Variants in PYGM observed in about 807,000 individuals in gnomAD.
The protein encoded by PYGM is glycogen phosphorylase, muscle form.
A neutral mutation model predicts 99.3 loss-of-function variants in PYGM; 81 were observed. That is an observed-to-expected ratio of 0.82 (90% CI 0.68 to 0.98). The LOEUF is 0.98. Ranked by LOEUF, PYGM falls within the 50% of genes least tolerant of loss-of-function variation. The pLI is 0.00. For synonymous variants in PYGM, 436 were observed against 451.5 expected, an observed-to-expected ratio of 0.97 and a Z score of 0.44; for missense variants, 1,030 against 1,158.1, an observed-to-expected ratio of 0.89 and a Z score of 1.61.
chr11:64,755,223 C>T lies in PYGM; in HGVS notation c.855+50G>A. The T allele has an allele frequency of 2.5e-6, 4 of 1,577,886 alleles. No homozygotes were observed. The highest frequency in any genetic ancestry group is 3.5e-6 in the Non-Finnish European group (4 of 1,147,646). ...GTCCTTCCCCAGCTCTCCCTGACCCCTGCTGCCAAGGACTCAGGCTTCCAG... is the reference window on the plus strand; with the variant it reads ...GTCCTTCCCCAGCTCTCCCTGACCCTTGCTGCCAAGGACTCAGGCTTCCAG... On this transcript the variant is annotated intron_variant, in intron 7 of 19. Coordinates refer to ENST00000164139, the MANE Select transcript of PYGM (RefSeq NM_005609.4). The surrounding 1 kb of genome is among the most constrained non-coding windows in gnomAD (Gnocchi z 4.1).
In PYGM at chr11:64,758,955, A is replaced by G. The variant is rs1049448376; in HGVS notation, c.244-251T>C. ...TCATCTGGGAAATAGCGCTGGCCAT[A>G]CCCACTTCAGGGACTGAGGTACTCG... On this transcript the variant is annotated intron_variant, in intron 1 of 19. Coordinates refer to ENST00000164139, the MANE Select transcript of PYGM (RefSeq NM_005609.4). Among the ~76,000 whole-genome samples, 16 of 2,180 alleles carry G rather than the reference A, an allele frequency of 7.3e-3. No individual in the cohort carries two copies. In the Admixed American group the frequency reaches 0.1, roughly 14 times the overall value. The allele number at this position is 2,180 out of a possible 152,430, so 1.4% of individuals were successfully genotyped here.
intron 5 of PYGM, among the ~76,000 whole-genome samples, chr11:64,757,509 CATG>C (rs1162834686): frequency 2.0e-5 from 3 of 152,182 alleles, no homozygotes. Flanking sequence ...TGATAAATCT[CATG>C]GTGTGGAGTG....
intron 12 of PYGM, 69 bp downstream of exon 12, chr11:64,753,004 C>A: frequency 7.1e-7 from 1 of 1,402,360 alleles, no homozygotes; most frequent in Admixed American, 1.7e-5. Context: ...GAACCACCTA[C>A]ACGACCATAC....
At chr11:64,747,435 C>A in intron 17 of PYGM, 77 bp from the exon 18 acceptor site, 2 of 1,602,968 alleles carry the variant, frequency 1.2e-6, no homozygotes, top group Admixed American at 1.7e-5. Context: ...TGAGAAGTCC[C>A]ATGCCCCAGG....
chr11:64,753,003 A>T, intron 12 of PYGM, 70 bp downstream of exon 12: 15 of 1,388,730 alleles, frequency 1.1e-5, no homozygotes, highest in Non-Finnish European at 1.5e-5. Context: ...TGAACCACCT[A>T]CACGACCATA....
chr11:64,759,227 T>C, intron 1 of PYGM, among the ~76,000 whole-genome samples: 1 of 141,432 alleles, frequency 7.1e-6, no homozygotes. Flanking sequence ...CCTCCCCCAC[T>C]CCCCACCGAG....
Position 64,755,510 on chromosome 11 carries a change from T to C in PYGM, c.709A>G (p.Asn237Asp), listed in dbSNP as rs776850635. 3.7e-6 allele frequency: 6 copies of C among 1,614,060 alleles called. No homozygotes were observed. The Admixed American group carries it at 8.3e-5, about 22-fold the overall frequency. ...YDTPVPGYRN[N>D]VVNTMRLWSA... is the part of the protein sequence containing the mutation. ...CAGAGGCGCATGGTGTTGACAACAT[T>C]GTTGCGATAGCCAGGCACGGGCGTA... Residue 237 changes from asparagine to aspartate, a missense_variant, in exon 6 of 20, where the codon AAT becomes GAT. Physicochemically the swap from Asn to Asp is conservative, Grantham distance 23. Transcript: ENST00000164139. The surrounding 1 kb of genome is among the most constrained non-coding windows in gnomAD (Gnocchi z 4.1).
Position 64,746,645 on chromosome 11 carries a change from T to G in PYGM, c.*14A>C. ...GACAGACTCAAGGGCTGGTTTGGGGTCTGGTCTGGAGGCTCAGATGGCCTC... is the reference window on the plus strand; with the variant it reads ...GACAGACTCAAGGGCTGGTTTGGGGGCTGGTCTGGAGGCTCAGATGGCCTC... On this transcript the variant is annotated 3_prime_UTR_variant, in exon 20 of 20. Transcript: ENST00000164139. 10 of 1,613,976 alleles carry G rather than the reference T, an allele frequency of 6.2e-6. No homozygotes were observed. Among genetic ancestry groups the G allele is most frequent in the Non-Finnish European group, 8.5e-6 (10 of 1,179,984 alleles).
intron 13 of PYGM, 39 bp downstream of exon 13, chr11:64,752,364 C>G: frequency 6.3e-7 from 1 of 1,599,260 alleles, no homozygotes; most frequent in Non-Finnish European, 8.6e-7. Context: ...CCAGCGCTCT[C>G]CACACAGCAC....
chr11:64,753,210 G>T, intron 11 of PYGM, 23 bp from the exon 12 acceptor site: 1 of 1,570,648 alleles, frequency 6.4e-7, no homozygotes, highest in Non-Finnish European at 8.8e-7. Context: ...GTTGGACGAG[G>T]GTCACCACTC....
In PYGM at chr11:64,759,787, A is replaced by G. The variant is rs1478945166; in HGVS notation, c.112T>C (p.Phe38Leu). 14 of 1,614,046 alleles carry G rather than the reference A, an allele frequency of 8.7e-6. No individual in the cohort carries two copies. The highest frequency in any genetic ancestry group is 9.3e-6 in the Non-Finnish European group (11 of 1,180,038). ...LKKNFNRHLH[F>L]TLVKDRNVAT... ...ACATTGCGGTCCTTTACGAGTGTGA[A>G]ATGCAGGTGCCGGTTGAAGTTCTTT... The change falls in exon 1 of 20, where the codon TTC becomes CTC. Residue 38 changes from phenylalanine (F) to leucine (L), a missense_variant. Transcript: ENST00000164139.
At position 64,758,002 on chromosome 11, in the gene PYGM, T is replaced by C; in HGVS notation, c.529-92A>G. 1.9e-6 allele frequency: 3 copies of C among 1,561,266 alleles called. No individual in the cohort carries two copies. The South Asian group carries it at 3.4e-5, about 18-fold the overall frequency. On this transcript the variant is annotated intron_variant, in intron 4 of 19. Coordinates refer to ENST00000164139, the MANE Select transcript of PYGM (RefSeq NM_005609.4). ...GGGCAGGGTGGGGGCCGTGGGCCGG[T>C]GTACCCTACACCAAGTATAAGTCAG...
chr11:64,758,433 T>C lies in PYGM; in HGVS notation c.424+4A>G. 1 of 1,613,782 alleles carries C rather than the reference T, an allele frequency of 6.2e-7. No homozygotes were observed. The highest frequency in any genetic ancestry group is 8.5e-7 in the Non-Finnish European group (1 of 1,180,000). On this transcript the variant is annotated splice_donor_region_variant and intron_variant, in intron 3 of 19. Transcript: ENST00000164139. ...ACTCCACCCTCACGGCCCTGTCTTCTTACCTGCCAGCCGGCCCAGGCCCCC... is the reference window on the plus strand; with the variant it reads ...ACTCCACCCTCACGGCCCTGTCTTCCTACCTGCCAGCCGGCCCAGGCCCCC...
chr11:64,747,188 G>A (rs369098997), intron 18 of PYGM, 36 bp downstream of exon 18: 2 of 1,611,762 alleles, frequency 1.2e-6, no homozygotes, highest in African/African-American at 1.3e-5. Flanking sequence ...CTGCCCTGCG[G>A]CCCCACCTGA....
rs1465788031 is a variant in PYGM at position 64,753,168 on chromosome 11, G to A, written c.1423C>T (p.Leu475=). 1.2e-6 allele frequency: 2 copies of A among 1,612,436 alleles called. No homozygotes were observed. Among genetic ancestry groups the A allele is most frequent in the Non-Finnish European group, 1.7e-6 (2 of 1,178,510 alleles). ...KKTIFKDFYE[L]EPHKFQNKTN... is the part of the protein sequence containing the mutation. ...TTATTCTGGAACTTATGAGGCTCCA[G>A]CTCATAGAAGTCTTTGAAGCTGCAG... The change falls in exon 12 of 20, where the codon CTG becomes TTG. Residue 475 remains leucine (L), a synonymous_variant. Coordinates refer to ENST00000164139, the MANE Select transcript of PYGM (RefSeq NM_005609.4).
intron 4 of PYGM, 24 bp downstream of exon 4, chr11:64,758,222 C>G (rs376766946): frequency 1.1e-5 from 18 of 1,588,094 alleles, no homozygotes; most frequent in Non-Finnish European, 1.5e-5. Context: ...CTAGACCCCA[C>G]AAGTTAGAGC....
At position 64,752,009 on chromosome 11, in the gene PYGM, G is replaced by C; in HGVS notation, c.1683C>G (p.Asn561Lys). The C allele has an allele frequency of 6.2e-7, 1 of 1,614,166 alleles. No individual in the cohort carries two copies. The highest frequency in any genetic ancestry group is 8.5e-7 in the Non-Finnish European group (1 of 1,180,026). Residue 561 changes from asparagine to lysine, a missense_variant, in exon 14 of 20, where the codon AAC becomes AAG. Transcript: ENST00000164139. ...EREYKVHINP[N>K]SLFDIQVKRI... ...GCTTCACCTGGATGTCGAAGAGTGA[G>C]TTGGGGTTGATGTGGACTTTGTATT... is the stretch of plus-strand genomic sequence containing the variant.
At position 64,755,266 on chromosome 11, in the gene PYGM, G is replaced by A. The variant is rs2135836112; in HGVS notation, c.855+7C>T. The stretch of plus-strand genomic sequence containing the variant: ...GCTTCCAGCCCCCAGCCCAGGGGGT[G>A]ACGCACATTATCATTGGGGTACAGG... On this transcript the variant is annotated splice_region_variant and intron_variant, in intron 7 of 19. Transcript: ENST00000164139. The surrounding 1 kb of genome is among the most constrained non-coding windows in gnomAD (Gnocchi z 4.1). 2.5e-6 allele frequency: 4 copies of A among 1,613,362 alleles called. No individual in the cohort carries two copies. Among genetic ancestry groups the A allele is most frequent in the Non-Finnish European group, 3.4e-6 (4 of 1,179,388 alleles).
In PYGM at chr11:64,754,711, G is replaced by A. The variant is rs146289842; in HGVS notation, c.981C>T (p.Phe327=). The A allele has an allele frequency of 3.8e-5, 61 of 1,613,714 alleles. No individual in the cohort carries two copies. The African/African-American group carries it at 5.2e-4, about 14-fold the overall frequency. ...FGCRDPVRTN[F]DAFPDKVAIQ... ...ATGGTACCTTATCTGGGAAGGCATC[G>A]AAGTTCGTGCGCACGGGATCACGGC... The change falls in exon 8 of 20, where the codon TTC becomes TTT. Residue 327 remains phenylalanine (F), a synonymous_variant. Transcript: ENST00000164139. This position sits in a 1 kb window ranked among gnomAD's most constrained non-coding sequence, Gnocchi z 5.5.
Sources: allele counts gnomAD v4.1 joint callset (sites outside exome capture counted in the v4.1 genomes callset), GRCh38; gene constraint gnomAD v4.1.1; non-coding constraint Gnocchi (gnomAD v3.1); transcripts MANE v1.5; gene names NCBI Gene and HGNC (gene_info 2026-07-23, HGNC 2026-07-21).